ARHGAP17: variants seen among roughly 807,000 people sequenced by gnomAD.
ARHGAP17 encodes the protein rho GTPase-activating protein 17.
ARHGAP17 carries 57 observed loss-of-function variants against 99.5 expected under a neutral mutation model. The ratio of observed to expected loss-of-function variants is 0.57; its 90% confidence interval spans 0.46 to 0.71. The LOEUF is 0.71. ARHGAP17 is among the 30% of genes least tolerant of loss of function. The pLI, the probability that ARHGAP17 is intolerant of heterozygous loss-of-function variation, is 0.00. For missense variants in ARHGAP17, 1,000 were observed against 1,122.4 expected (o/e 0.89, Z 1.56); for synonymous variants, 417 against 429.6 (o/e 0.97, Z 0.36).
At chr16:24,974,504 C>T (rs954219563) in intron 3 of ARHGAP17, among the ~76,000 whole-genome samples, 6 of 152,248 alleles carry the variant, frequency 3.9e-5, no homozygotes, top group Non-Finnish European at 8.8e-5. Context: ...CTGCCAGTCC[C>T]TGTGATGACC....
chr16:24,960,982 CTG>C (rs1324806282), intron 7 of ARHGAP17, among the ~76,000 whole-genome samples: 2 of 152,052 alleles, frequency 1.3e-5, no homozygotes, highest in Non-Finnish European at 2.9e-5. Flanking sequence ...AGGAATTCTC[CTG>C]TCTCAGCCAC....
chr16:25,013,607 G>C (rs1597506661), intron 1 of ARHGAP17, among the ~76,000 whole-genome samples: 2 of 151,682 alleles, frequency 1.3e-5, no homozygotes, highest in African/African-American at 4.8e-5. Flanking sequence ...GGGTGACAAA[G>C]GGAGACCCTG....
chr16:24,952,092 A>G (rs1362472629), intron 12 of ARHGAP17, among the ~76,000 whole-genome samples, 197 bp downstream of exon 12: 1 of 152,202 alleles, frequency 6.6e-6, no homozygotes, highest in Non-Finnish European at 1.5e-5. Flanking sequence ...ACCAATGCCT[A>G]CGTGGTGACT....
chr16:24,982,095 AT>A (rs34637722), intron 1 of ARHGAP17, among the ~76,000 whole-genome samples: 46,161 of 150,438 alleles, frequency 0.31, 8,173 homozygotes, highest in Non-Finnish European at 0.42. Context: ...GCAGGCTTAG[AT>A]TTTTTTTTTT....
Position 24,968,558 on chromosome 16 carries a change from A to G in ARHGAP17, c.384+103T>C, listed in dbSNP as rs2052262003. On this transcript the variant is annotated intron_variant, in intron 5 of 19. Transcript: ENST00000289968. ...TCAATTGACTCCCCTTATTTCCAAA[A>G]AGAAGTGTATGTTAAAGCCAGCAAC... The G allele has an allele frequency of 7.9e-6, 12 of 1,509,994 alleles. No homozygotes were observed. The Admixed American group carries it at 2.0e-4, about 26-fold the overall frequency. 93.5% of individuals were successfully genotyped at this position (1,509,994 alleles called of 1,614,324 possible). A position where few individuals can be genotyped will look rare whatever the true frequency, so the allele number is the denominator to read the frequency against.
chr16:24,985,759 A>C (rs2052847297), intron 1 of ARHGAP17, among the ~76,000 whole-genome samples: 2 of 152,194 alleles, frequency 1.3e-5, no homozygotes, highest in African/African-American at 4.8e-5. Context: ...CTTCAGGTCC[A>C]AATGTCAACA....
At chr16:24,982,996 ATTTTTTTTTTTTTTT>A (rs1193522045) in intron 1 of ARHGAP17, among the ~76,000 whole-genome samples, 2 of 46,976 alleles carry the variant, frequency 4.3e-5, no homozygotes, top group African/African-American at 8.7e-5. Flanking sequence ...ATATATATAT[ATTTTTTTTTTTTTTT>A]TTTTTTTTTT....
At chr16:24,968,466 G>A (rs754773179) in intron 5 of ARHGAP17, 39 bp from the exon 6 acceptor site, 35 of 1,607,740 alleles carry the variant, frequency 2.2e-5, no homozygotes, top group Non-Finnish European at 2.8e-5. Flanking sequence ...GCACTTCAGG[G>A]CTTTTAGGTT....
intron 1 of ARHGAP17, among the ~76,000 whole-genome samples, chr16:25,014,108 A>G (rs1471738060): frequency 2.0e-5 from 3 of 152,256 alleles, no homozygotes; most frequent in Non-Finnish European, 4.4e-5. Flanking sequence ...TGAAACAGTA[A>G]AAAGCAAATT....
intron 19 of ARHGAP17, among the ~76,000 whole-genome samples, chr16:24,926,291 C>T (rs1051985618): frequency 6.6e-6 from 1 of 151,970 alleles, no homozygotes; most frequent in African/African-American, 2.4e-5. Flanking sequence ...GACAGAGTCT[C>T]ACTCTGTCAC....
intron 14 of ARHGAP17, 121 bp from the exon 15 acceptor site, chr16:24,943,983 A>C (rs2051390732): frequency 1.1e-6 from 1 of 943,088 alleles, no homozygotes; most frequent in African/African-American, 1.6e-5. Flanking sequence ...GCAAAAATCA[A>C]AATCACTGGC....
chr16:24,965,218 C>A (rs1227035588), intron 6 of ARHGAP17, among the ~76,000 whole-genome samples: 1 of 152,200 alleles, frequency 6.6e-6, no homozygotes, highest in Non-Finnish European at 1.5e-5. Context: ...CGCCTGTAAT[C>A]CCAGCACTTT....
intron 1 of ARHGAP17, among the ~76,000 whole-genome samples, chr16:25,010,866 G>A (rs1332612046): frequency 6.6e-6 from 1 of 152,214 alleles, no homozygotes; most frequent in Non-Finnish European, 1.5e-5. Flanking sequence ...CGCCCTCTAG[G>A]CATTTGGGTT....
At chr16:24,950,595 G>A (rs1007366639) in intron 12 of ARHGAP17, among the ~76,000 whole-genome samples, 1 of 152,096 alleles carries the variant, frequency 6.6e-6, no homozygotes, top group African/African-American at 2.4e-5. Flanking sequence ...AGCAGTTTGG[G>A]AGGCCGAGGC....
At chr16:24,984,378 A>G (rs1054946698) in intron 1 of ARHGAP17, among the ~76,000 whole-genome samples, 16 of 152,132 alleles carry the variant, frequency 1.1e-4, no homozygotes, top group African/African-American at 3.6e-4. Context: ...ACTTAAATAC[A>G]TACTGAGGCC....
At chr16:24,976,158 A>G (rs2052509101) in intron 3 of ARHGAP17, among the ~76,000 whole-genome samples, 1 of 152,228 alleles carries the variant, frequency 6.6e-6, no homozygotes, top group African/African-American at 2.4e-5. Context: ...ATGTAACTCC[A>G]CACAAATCAA....
intron 1 of ARHGAP17, 66 bp downstream of exon 1, chr16:25,015,143 G>A: frequency 1.8e-6 from 2 of 1,135,308 alleles, no homozygotes; most frequent in East Asian, 3.6e-5. Flanking sequence ...GAGCCGTCCC[G>A]CCCCCGCGCC....
chr16:24,923,453 A>C (rs911480538), intron 19 of ARHGAP17, among the ~76,000 whole-genome samples: 1 of 152,192 alleles, frequency 6.6e-6, no homozygotes, highest in Admixed American at 6.5e-5. Flanking sequence ...AAGTTCATAC[A>C]AAAGATATTG....
chr16:25,003,230 CTT>C (rs564573463), intron 1 of ARHGAP17, among the ~76,000 whole-genome samples: 162 of 90,712 alleles, frequency 1.8e-3, no homozygotes, highest in Non-Finnish European at 2.3e-3. Flanking sequence ...AGCTTTAAAG[CTT>C]TTTTTTTTTT....
Sources: allele counts gnomAD v4.1 joint callset (sites outside exome capture counted in the v4.1 genomes callset), GRCh38; gene constraint gnomAD v4.1.1; transcripts MANE v1.5; gene names NCBI Gene and HGNC (gene_info 2026-07-23, HGNC 2026-07-21).